Variants in CLPP observed in about 807,000 individuals in gnomAD.
CLPP encodes the protein caseinolytic mitochondrial matrix peptidase proteolytic subunit.
In CLPP, 14 loss-of-function variants were observed where a neutral mutation model predicts 27.4. The observed-to-expected ratio is 0.51, with a 90% CI of 0.34 to 0.80. CLPP has a LOEUF of 0.80. CLPP is among the 30% of genes least tolerant of loss of function. The pLI is 0.02. For missense variants in CLPP, 361 were observed against 403.6 expected (o/e 0.89, Z 0.90); for synonymous variants, 193 against 166.6 (o/e 1.16, Z -1.22).
At chr19:6,366,908 A>G (rs976526253) in intron 5 of CLPP, among the ~76,000 whole-genome samples, 1 of 151,714 alleles carries the variant, frequency 6.6e-6, no homozygotes, top group Non-Finnish European at 1.5e-5. Flanking sequence ...TGGGATTACA[A>G]GTGTGAGCCA....
intron 5 of CLPP, among the ~76,000 whole-genome samples, chr19:6,366,956 A>G (rs1233068995): frequency 6.6e-6 from 1 of 151,744 alleles, no homozygotes; most frequent in East Asian, 2.0e-4. Flanking sequence ...TCAAAAAGTG[A>G]GGCCAGGTGT....
Position 6,361,929 on chromosome 19 carries a change from G to A in CLPP, c.259G>A (p.Val87Ile), listed in dbSNP as rs2091836360. 1.3e-6 allele frequency: 2 copies of A among 1,597,924 alleles called. No homozygotes were observed. The highest frequency in any genetic ancestry group is 1.3e-5 in the African/African-American group (1 of 74,790). Residue 87 changes from valine to isoleucine, a missense_variant, in exon 2 of 6, where the codon GTC becomes ATC. Transcript: ENST00000245816. ...GCTGCTGCGGGAGCGCATCGTGTGCGTCATGGGCCCGGTGAGCGCCCCGCG... is the reference window on the plus strand; with the variant it reads ...GCTGCTGCGGGAGCGCATCGTGTGCATCATGGGCCCGGTGAGCGCCCCGCG... The part of the protein sequence containing the change: ...SRLLRERIVC[V>I]MGPIDDSVAS...
chr19:6,364,573 C>T lies in CLPP; in HGVS notation c.489C>T (p.Thr163=), dbSNP rs2091852620. The part of the protein sequence containing the change: ...SMGSLLLAAG[T]PGMRHSLPNS... ...GCTCCCTGCTTCTCGCCGCCGGCACCCCAGGCATGCGCCACTCGCTCCCCA... is the reference window on the plus strand; with the variant it reads ...GCTCCCTGCTTCTCGCCGCCGGCACTCCAGGCATGCGCCACTCGCTCCCCA... The change falls in exon 4 of 6, where the codon ACC becomes ACT. Residue 163 remains threonine, a synonymous_variant. Transcript: ENST00000245816. The T allele has an allele frequency of 1.2e-6, 2 of 1,612,962 alleles. No individual in the cohort carries two copies. Among genetic ancestry groups the T allele is most frequent in the Admixed American group, 1.7e-5 (1 of 59,906 alleles).
rs761501939 is a variant in CLPP at position 6,363,414 on chromosome 19, C to T, written c.367+872C>T. ...CTGGGATTACAGGCATGAGCCACCACGCCTGGCCTGATTTCTAGTTTCTCT... is the reference window on the plus strand; with the variant it reads ...CTGGGATTACAGGCATGAGCCACCATGCCTGGCCTGATTTCTAGTTTCTCT... On this transcript the variant is annotated intron_variant, in intron 3 of 5. Transcript: ENST00000245816. Among the ~76,000 whole-genome samples the T allele has an allele frequency of 8.5e-5, 13 of 152,112 alleles. No homozygotes were observed. The South Asian group carries it at 1.2e-3, about 15-fold the overall frequency.
Position 6,368,964 on chromosome 19 carries a change from C to T in CLPP, c.*254C>T. On this transcript the variant is annotated 3_prime_UTR_variant, in exon 6 of 6. Transcript: ENST00000245816. ...ACAGCGTGTACACATCTGTGTTTCA[C>T]AGGCCCCTTCTGCTTTTGTCCTGAC... is the stretch of plus-strand genomic sequence containing the variant. 1 of 490,062 alleles carries T rather than the reference C, an allele frequency of 2.0e-6. No individual in the cohort carries two copies. The highest frequency in any genetic ancestry group is 3.6e-6 in the Non-Finnish European group (1 of 275,648). The allele number at this position is 490,062 out of a possible 1,614,324, so 30.4% of individuals were successfully genotyped here.
rs925866951 is a variant in CLPP, at chr19:6,364,457, G to A, written c.373G>A (p.Val125Met). 1.2e-6 allele frequency: 2 copies of A among 1,606,812 alleles called. No individual in the cohort carries two copies. Among genetic ancestry groups the A allele is most frequent in the Non-Finnish European group, 1.7e-6 (2 of 1,178,062 alleles). Residue 125 changes from valine (V) to methionine (M), a missense_variant, in exon 4 of 6, where the codon GTG (valine) becomes ATG (methionine). Val to Met is a conservative substitution (Grantham distance 21). Around this residue, in one of 2 missense-constraint regions of CLPP, gnomAD observed 213 missense variants for 280.9 expected, o/e 0.76. Transcript: ENST00000245816. Reference sequence around the variant, plus strand: ...ACTTGCTCCCCCGCCCACAGGTGGTGTGGTGACCGCGGGCCTGGCCATCTA... The same window carrying A: ...ACTTGCTCCCCCGCCCACAGGTGGTATGGTGACCGCGGGCCTGGCCATCTA... ...IHMYINSPGG[V>M]VTAGLAIYDT...
intron 4 of CLPP, 43 bp from the exon 5 acceptor site, chr19:6,366,215 C>G (rs2304197): frequency 7.1e-7 from 1 of 1,416,146 alleles, no homozygotes; most frequent in East Asian, 2.4e-5. Flanking sequence ...GGGCTGACGC[C>G]GATACCAACC....
intron 4 of CLPP, among the ~76,000 whole-genome samples, chr19:6,365,851 T>A (rs1213025054): frequency 6.8e-6 from 1 of 148,140 alleles, no homozygotes; most frequent in African/African-American, 2.5e-5. Context: ...GCATGGTGGC[T>A]CATGCCTGTA....
intron 5 of CLPP, among the ~76,000 whole-genome samples, chr19:6,367,081 GA>G (rs199629299): frequency 6.6e-6 from 1 of 150,998 alleles, no homozygotes. Context: ...TCATAGAAAA[GA>G]AAAAAAAATT....
intron 4 of CLPP, among the ~76,000 whole-genome samples, chr19:6,365,783 C>G (rs1191255349): frequency 6.8e-6 from 1 of 147,612 alleles, no homozygotes; most frequent in Non-Finnish European, 1.5e-5. Flanking sequence ...TGTACCACTG[C>G]ATTCCAGCCC....
At chr19:6,367,943 A>C (rs571183250) in intron 5 of CLPP, among the ~76,000 whole-genome samples, 22 of 152,220 alleles carry the variant, frequency 1.4e-4, no homozygotes, top group Admixed American at 7.9e-4. Context: ...ATGGTGAAAC[A>C]TGAGGCCAAA....
chr19:6,362,205 C>G (rs919135477), intron 2 of CLPP: 3 of 602,024 alleles, frequency 5.0e-6, no homozygotes, highest in Non-Finnish European at 8.9e-6. Context: ...CTCTCCCCAG[C>G]CATTCTCACC....
At chr19:6,362,251 C>G in intron 2 of CLPP, 195 bp from the exon 3 acceptor site, 2 of 604,224 alleles carry the variant, frequency 3.3e-6, no homozygotes, top group Non-Finnish European at 5.9e-6. Flanking sequence ...CCTGACTCCC[C>G]CCTTCCTGTG....
rs900726420 is a variant in CLPP, at chr19:6,370,041, CAG to C, written c.*1336_*1337del. Among the ~76,000 whole-genome samples, 15 of 152,134 alleles carry C rather than the reference CAG, an allele frequency of 9.9e-5. No homozygotes were observed. The highest frequency in any genetic ancestry group is 2.6e-4 in the Admixed American group (4 of 15,244). On this transcript the variant is annotated 3_prime_UTR_variant, in exon 6 of 6. Transcript: ENST00000245816. ...CAGATTCTAGCTAGGTGGGATGTGA[CAG>C]AGAGCAGTTTCCAGAAACTCCGAGC...
rs1299117041 is a variant in CLPP at position 6,366,469 on chromosome 19, CG to C, written c.661+107del. ...CCCCTGCGGACTTTCAGGGCTGGAT[CG>C]TTCTCTGGGATGGGGGGACCATCCC... is the stretch of plus-strand genomic sequence containing the variant. On this transcript the variant is annotated intron_variant, in intron 5 of 5. Transcript: ENST00000245816. 6.3e-6 allele frequency: 5 copies of C among 792,604 alleles called. No homozygotes were observed. The African/African-American group carries it at 8.7e-5, about 14-fold the overall frequency. The allele number at this position is 792,604 out of a possible 1,614,324, so 49.1% of individuals were successfully genotyped here. A position where few individuals can be genotyped will look rare whatever the true frequency, so the allele number is the denominator to read the frequency against.
chr19:6,364,688 G>C (rs1568322486), intron 4 of CLPP, 49 bp downstream of exon 4: 1 of 1,529,772 alleles, frequency 6.5e-7, no homozygotes, highest in Non-Finnish European at 8.8e-7. Flanking sequence ...ACAGGGTCTA[G>C]ACAGAAGGAC....
intron 1 of CLPP, 26 bp from the exon 2 acceptor site, chr19:6,361,843 C>T: frequency 1.3e-6 from 2 of 1,595,174 alleles, no homozygotes; most frequent in South Asian, 1.1e-5. Flanking sequence ...TGCCCCGGCC[C>T]CTCACCTCCA....
In CLPP at chr19:6,369,493, T is replaced by C. The variant is rs1475791643; in HGVS notation, c.*783T>C. On this transcript the variant is annotated 3_prime_UTR_variant, in exon 6 of 6. Coordinates refer to ENST00000245816, the MANE Select transcript of CLPP (RefSeq NM_006012.4). ...CGTGTTACAGTTTTTTATGGGGTAA[T>C]CAGGGAAGCCCTCACTGAGAAGGTG... Among the ~76,000 whole-genome samples the C allele has an allele frequency of 6.6e-6, 1 of 150,500 alleles. No individual in the cohort carries two copies.
At chr19:6,368,224 G>A (rs573350024) in intron 5 of CLPP, among the ~76,000 whole-genome samples, 12 of 152,168 alleles carry the variant, frequency 7.9e-5, no homozygotes, top group Admixed American at 6.5e-4. Flanking sequence ...CAGCTGATTC[G>A]GTTCTTGGTG....
Sources: allele counts gnomAD v4.1 joint callset (sites outside exome capture counted in the v4.1 genomes callset), GRCh38; gene constraint gnomAD v4.1.1; regional missense constraint gnomAD v4.1.1; transcripts MANE v1.5; gene names NCBI Gene and HGNC (gene_info 2026-07-23, HGNC 2026-07-21).